The following TPTE2 variants were observed in gnomAD, a reference collection of about 807,000 sequenced individuals.
The protein encoded by TPTE2 is phosphatidylinositol 3,4,5-trisphosphate 3-phosphatase TPTE2.
TPTE2 carries 53 observed loss-of-function variants against 78.6 expected under a neutral mutation model. That is an observed-to-expected ratio of 0.67 (90% confidence interval 0.54 to 0.85). TPTE2 has a LOEUF of 0.85. Ranked by LOEUF, TPTE2 falls within the 40% of genes least tolerant of loss-of-function variation. TPTE2 has a pLI of 0.00. For missense variants in TPTE2, 461 were observed against 623.0 expected, an observed-to-expected ratio of 0.74 and a Z score of 2.77; for synonymous variants, 175 against 206.2, an observed-to-expected ratio of 0.85 and a Z score of 1.30.
chr13:19,544,341 G>A, the TPTE2 span, among the ~76,000 whole-genome samples: 4 of 151,914 alleles, frequency 2.6e-5, no homozygotes, highest in South Asian at 2.1e-4. Flanking sequence ...ATAAGATAAC[G>A]TAGATCAACA....
chr13:19,504,924 C>T (rs1333401460), upstream of TPTE2, among the ~76,000 whole-genome samples: 1 of 151,990 alleles, frequency 6.6e-6, no homozygotes, highest in African/African-American at 2.4e-5. Context: ...CATTTCTTTA[C>T]ATATTTGTGT....
At chr13:19,443,615 G>A (rs528852099) in intron 13 of TPTE2, among the ~76,000 whole-genome samples, 2 of 152,114 alleles carry the variant, frequency 1.3e-5, no homozygotes, top group African/African-American at 4.8e-5. Flanking sequence ...TGTTGCCTAG[G>A]CTGGTCTTAA....
upstream of TPTE2, among the ~76,000 whole-genome samples, chr13:19,539,976 C>T (rs34470487): frequency 6.6e-6 from 1 of 152,050 alleles, no homozygotes; most frequent in African/African-American, 2.4e-5. Context: ...GAAACCCTAC[C>T]TCTACTAAAA....
At chr13:19,510,761 A>G (rs972286122) in intron 1 of TPTE2, among the ~76,000 whole-genome samples, 17 of 152,220 alleles carry the variant, frequency 1.1e-4, no homozygotes, top group African/African-American at 4.1e-4. Flanking sequence ...AAAACAACAC[A>G]TGTAAATTAA....
At chr13:19,425,326 C>G (rs1487084998) in intron 18 of TPTE2, among the ~76,000 whole-genome samples, 3 of 152,168 alleles carry the variant, frequency 2.0e-5, no homozygotes, top group Admixed American at 6.5e-5. Flanking sequence ...CTACTAAGGA[C>G]CTATGCCTAT....
At chr13:19,462,355 A>G (rs1878977406) in intron 10 of TPTE2, among the ~76,000 whole-genome samples, 1 of 151,932 alleles carries the variant, frequency 6.6e-6, no homozygotes, top group South Asian at 2.1e-4. Context: ...TCTAGGGGAT[A>G]GCTCTACTAG....
chr13:19,497,174 T>C (rs1163627461), intron 1 of TPTE2, among the ~76,000 whole-genome samples: 1 of 151,450 alleles, frequency 6.6e-6, no homozygotes, highest in Non-Finnish European at 1.5e-5. Context: ...CGCTGATTGC[T>C]AGCACAGCAG....
chr13:19,509,924 CCCTA>C (rs1471893890), intron 1 of TPTE2, among the ~76,000 whole-genome samples: 1 of 152,094 alleles, frequency 6.6e-6, no homozygotes, highest in African/African-American at 2.4e-5. Flanking sequence ...GAAACCAAAT[CCCTA>C]CCTAACACCA....
At chr13:19,514,592 A>AGAGT (rs542178212) in intron 1 of TPTE2, among the ~76,000 whole-genome samples, 1 of 126,710 alleles carries the variant, frequency 7.9e-6, no homozygotes, top group Non-Finnish European at 1.7e-5. Context: ...TACTTCTGAG[A>AGAGT]GTGTGTGTGT....
At chr13:19,423,111 T>C (rs1294464765) in exon 20 of TPTE2, 17 of 1,612,172 alleles carry the variant, frequency 1.1e-5, no homozygotes, top group Non-Finnish European at 1.4e-5. Flanking sequence ...TGGATAAATT[T>C]TCCATGCTTT....
At chr13:19,437,072 A>C (rs1877152685) in intron 14 of TPTE2, among the ~76,000 whole-genome samples, 1 of 72,372 alleles carries the variant, frequency 1.4e-5, no homozygotes, top group African/African-American at 3.6e-5. Flanking sequence ...CACATACACC[A>C]ATATTTAAAC....
At chr13:19,425,409 G>A (rs1875955531) in intron 18 of TPTE2, among the ~76,000 whole-genome samples, 1 of 152,134 alleles carries the variant, frequency 6.6e-6, no homozygotes, top group South Asian at 2.1e-4. Flanking sequence ...ATTATAAATT[G>A]TATTTTCTGA....
At chr13:19,505,583 T>C (rs907018709), upstream of TPTE2, among the ~76,000 whole-genome samples, 3 of 152,122 alleles carry the variant, frequency 2.0e-5, no homozygotes, top group Non-Finnish European at 2.9e-5. Context: ...GATATGACCA[T>C]GTAGCTGTAG....
At chr13:19,452,716 C>T (rs916080340) in intron 10 of TPTE2, among the ~76,000 whole-genome samples, 4 of 152,018 alleles carry the variant, frequency 2.6e-5, no homozygotes, top group South Asian at 2.1e-4. Flanking sequence ...ATTGTGGATA[C>T]AAGAATACAA....
At chr13:19,491,174 A>G (rs1197756088) in intron 3 of TPTE2, among the ~76,000 whole-genome samples, 1 of 152,154 alleles carries the variant, frequency 6.6e-6, no homozygotes, top group Non-Finnish European at 1.5e-5. Flanking sequence ...CTATGTGTGT[A>G]TTTACATATA....
At chr13:19,433,683 C>T (rs1463475181) in intron 15 of TPTE2, among the ~76,000 whole-genome samples, 5 of 152,124 alleles carry the variant, frequency 3.3e-5, no homozygotes, top group African/African-American at 4.8e-5. Flanking sequence ...GAATGGCCCA[C>T]AATGCAGGAT....
chr13:19,534,358 G>C (rs9551648), intron 1 of TPTE2, among the ~76,000 whole-genome samples: 8,405 of 152,248 alleles, frequency 0.055, 332 homozygotes, highest in Admixed American at 0.084. Context: ...ATAAGCCCCA[G>C]ACCGTCTGTA....
upstream of TPTE2, among the ~76,000 whole-genome samples, chr13:19,539,392 T>C (rs1477076984): frequency 1.3e-5 from 2 of 152,212 alleles, no homozygotes; most frequent in Non-Finnish European, 2.9e-5. Flanking sequence ...TGAGATCTGA[T>C]GGTTTTATAA....
rs143861844 is a variant in TPTE2 at position 19,440,326 on chromosome 13, T to C, written c.974-2173A>G. Among the ~76,000 whole-genome samples the C allele has an allele frequency of 3.4e-3, 515 of 152,188 alleles. 3 individuals carry two copies. The highest frequency in any genetic ancestry group is 0.012 in the African/African-American group (491 of 41,508). ...ACAAGGTTCAGCATATGCAAACCAA[T>C]AAATGTGATTCACCACACAAACAGA... On this transcript the variant is annotated intron_variant, in intron 13 of 19. Transcript: ENST00000400230.
Sources: allele counts gnomAD v4.1 joint callset (sites outside exome capture counted in the v4.1 genomes callset), GRCh38; gene constraint gnomAD v4.1.1; transcripts MANE v1.5; gene names NCBI Gene and HGNC (gene_info 2026-07-23, HGNC 2026-07-21).